The following HECW2 variants were observed in gnomAD, a reference collection of about 807,000 sequenced individuals.
HECW2 encodes E3 ubiquitin-protein ligase HECW2.
Under a neutral mutation model 175.2 loss-of-function variants are expected in HECW2, and 61 were observed. The ratio of observed to expected loss-of-function variants is 0.35; its 90% confidence interval spans 0.28 to 0.43. The LOEUF (loss-of-function observed/expected upper bound fraction) is 0.43. HECW2 is among the 20% of genes least tolerant of loss of function. HECW2 has a pLI of 1.00. For missense variants in HECW2, 1,524 were observed against 2,000.5 expected, an observed-to-expected ratio of 0.76 and a Z score of 4.54; for synonymous variants, 671 against 731.0, an observed-to-expected ratio of 0.92 and a Z score of 1.32.
intron 1 of HECW2, among the ~76,000 whole-genome samples, chr2:196,479,867 G>T (rs1057185021): frequency 6.6e-6 from 1 of 151,988 alleles, no homozygotes; most frequent in African/African-American, 2.4e-5. Flanking sequence ...CTCTTAAATG[G>T]TCTCCCTCCT....
chr2:196,532,315 C>A (rs1456607891), intron 1 of HECW2, among the ~76,000 whole-genome samples: 4 of 152,198 alleles, frequency 2.6e-5, no homozygotes, highest in Non-Finnish European at 4.4e-5. Flanking sequence ...AGGATGAGTT[C>A]ATGTCCTTTG....
At chr2:196,569,368 AAAC>A (rs879421182) in intron 1 of HECW2, among the ~76,000 whole-genome samples, 5,123 of 151,052 alleles carry the variant, frequency 0.034, 282 homozygotes, top group African/African-American at 0.12. Context: ...AAACTAAACT[AAAC>A]TAAAATAAAA....
intron 17 of HECW2, among the ~76,000 whole-genome samples, chr2:196,261,219 G>C (rs1451442079): frequency 1.3e-5 from 2 of 152,164 alleles, no homozygotes; most frequent in African/African-American, 4.8e-5. Flanking sequence ...GTGGGGTTAA[G>C]TAATGTATAT....
chr2:196,488,535 A>T (rs114792990), intron 1 of HECW2, among the ~76,000 whole-genome samples: 1,839 of 152,244 alleles, frequency 0.012, 41 homozygotes, highest in African/African-American at 0.042. Flanking sequence ...AGAAATGTTT[A>T]TTCCACTATA....
In HECW2 at chr2:196,271,230, C is replaced by G; in HGVS notation, c.3298G>C (p.Glu1100Gln). 1 of 1,611,680 alleles carries G rather than the reference C, an allele frequency of 6.2e-7. No homozygotes were observed. The highest frequency in any genetic ancestry group is 8.5e-7 in the Non-Finnish European group (1 of 1,177,896). ...TTCCTGGTAAGATCAGGTTGACGCT[C>G]CTGTAGAATTTCAAAGATATTGGGT... Reference protein sequence around the residue: ...RQPNIFEILQERQPDLTRNHS... With the variant: ...RQPNIFEILQQRQPDLTRNHS... The change falls in exon 17 of 29, where the codon GAG becomes CAG. Residue 1100 changes from glutamate (E) to glutamine (Q), a missense_variant. Around this residue, in one of 11 missense-constraint regions of HECW2, gnomAD observed 291 missense variants for 412.2 expected, o/e 0.71. Coordinates refer to ENST00000644978, the MANE Select transcript of HECW2 (RefSeq NM_001348768.2).
chr2:196,320,276 C>T lies in HECW2; in HGVS notation c.985+63G>A, dbSNP rs998102578. ...TTCTGTTCAGAAGCAAACTGACAATCGAGTTAGGTTTAACAAGTTTTTCCT... is the reference window on the plus strand; with the variant it reads ...TTCTGTTCAGAAGCAAACTGACAATTGAGTTAGGTTTAACAAGTTTTTCCT... On this transcript the variant is annotated intron_variant, in intron 8 of 28. Coordinates refer to ENST00000644978, the MANE Select transcript of HECW2 (RefSeq NM_001348768.2). 4.8e-5 allele frequency: 45 copies of T among 932,422 alleles called. No individual in the cohort carries two copies. The Admixed American group carries it at 6.8e-4, about 14-fold the overall frequency. 57.8% of individuals were successfully genotyped at this position (932,422 alleles called of 1,614,324 possible).
chr2:196,414,339 T>G (rs1695196219), intron 2 of HECW2, among the ~76,000 whole-genome samples: 1 of 152,142 alleles, frequency 6.6e-6, no homozygotes, highest in Non-Finnish European at 1.5e-5. Context: ...CTACCTGTCC[T>G]CCATTCCTGT....
intron 4 of HECW2, among the ~76,000 whole-genome samples, chr2:196,333,400 G>A (rs1419502495): frequency 6.6e-6 from 1 of 152,148 alleles, no homozygotes; most frequent in Non-Finnish European, 1.5e-5. Context: ...ATCAGAGACA[G>A]CATAGGGTGA....
intron 1 of HECW2, among the ~76,000 whole-genome samples, chr2:196,513,541 A>G (rs1484816808): frequency 6.6e-6 from 1 of 152,188 alleles, no homozygotes; most frequent in African/African-American, 2.4e-5. Context: ...AGCATTTAAT[A>G]CCTGTTCAGC....
chr2:196,295,683 T>C (rs1690784070), intron 13 of HECW2, among the ~76,000 whole-genome samples: 1 of 152,196 alleles, frequency 6.6e-6, no homozygotes, highest in Non-Finnish European at 1.5e-5. Context: ...GCACCAGAAA[T>C]GCTCCTCACT....
At chr2:196,245,838 T>A (rs936535838) in intron 19 of HECW2, among the ~76,000 whole-genome samples, 1 of 152,166 alleles carries the variant, frequency 6.6e-6, no homozygotes, top group African/African-American at 2.4e-5. Flanking sequence ...AGGCAGGGGT[T>A]CTCAATCTTG....
chr2:196,416,961 T>G (rs73988200), intron 2 of HECW2, among the ~76,000 whole-genome samples: 1 of 152,186 alleles, frequency 6.6e-6, no homozygotes, highest in Non-Finnish European at 1.5e-5. Flanking sequence ...AAAATCACCT[T>G]CAGGAAGTGG....
chr2:196,551,631 A>G (rs761109481), intron 1 of HECW2, among the ~76,000 whole-genome samples: 22 of 152,206 alleles, frequency 1.4e-4, no homozygotes, highest in Non-Finnish European at 2.2e-4. Context: ...CTATATAAAG[A>G]AAGATTTAAC....
At chr2:196,224,461 T>C (rs77324533) in intron 23 of HECW2, among the ~76,000 whole-genome samples, 2,716 of 151,982 alleles carry the variant, frequency 0.018, 106 homozygotes, top group East Asian at 0.17. Flanking sequence ...GGCCTGGTGA[T>C]AGAAGCTTCA....
At chr2:196,460,456 A>AT (rs2125325586) in intron 1 of HECW2, among the ~76,000 whole-genome samples, 1 of 151,856 alleles carries the variant, frequency 6.6e-6, no homozygotes, top group East Asian at 1.9e-4. Context: ...ACCAAATTGA[A>AT]TGAGGATACA....
At chr2:196,220,990 T>G (rs1298628473) in intron 24 of HECW2, 49 bp from the exon 25 acceptor site, 1 of 1,589,526 alleles carries the variant, frequency 6.3e-7, no homozygotes, top group East Asian at 2.2e-5. Flanking sequence ...ACTCTTAATG[T>G]TATAACAACA....
chr2:196,330,113 T>G (rs1210679151), intron 4 of HECW2, among the ~76,000 whole-genome samples: 1 of 152,152 alleles, frequency 6.6e-6, no homozygotes, highest in Non-Finnish European at 1.5e-5. Flanking sequence ...AAAATCCACA[T>G]GGAGTCCTAT....
Position 196,300,350 on chromosome 2 carries a change from G to C in HECW2, c.2814+6138C>G, listed in dbSNP as rs139089242. 2.1e-3 allele frequency among the ~76,000 whole-genome samples: 317 copies of C among 152,326 alleles called. 2 individuals are homozygous for C. The highest frequency in any genetic ancestry group is 3.5e-3 in the Non-Finnish European group (238 of 68,040). On this transcript the variant is annotated intron_variant, in intron 13 of 28. Transcript: ENST00000644978. ...TGCCTTTTTCTTTACTTAAGGTCCA[G>C]ACTTAAGAAATTAATGGAGAAAATT...
intron 14 of HECW2, among the ~76,000 whole-genome samples, chr2:196,287,391 T>C (rs370909022): frequency 6.6e-6 from 1 of 152,198 alleles, no homozygotes; most frequent in Non-Finnish European, 1.5e-5. Flanking sequence ...ATTTATGATA[T>C]GTCACTTATA....
Sources: gnomAD v4.1 joint callset for allele counts (sites outside exome capture counted in the v4.1 genomes callset) on GRCh38, gnomAD v4.1.1 for gene constraint, gnomAD v4.1.1 regional missense constraint, MANE v1.5 for transcripts, NCBI Gene and HGNC (gene_info 2026-07-23, HGNC 2026-07-21) for gene names.